Variants in MASP1 observed in about 807,000 individuals in gnomAD.
MASP1 encodes mannan-binding lectin serine protease 1.
Under a neutral mutation model 77.1 loss-of-function variants are expected in MASP1, and 59 were observed. The ratio of observed to expected loss-of-function variants is 0.77; its 90% CI spans 0.62 to 0.95. MASP1 has a LOEUF of 0.95. MASP1 is among the 40% of genes least tolerant of loss of function. The pLI, the probability that MASP1 is intolerant of heterozygous loss-of-function variation, is 0.00. For synonymous variants in MASP1, 362 were observed against 354.5 expected (o/e 1.02, Z -0.24); for missense variants, 885 against 912.9 (o/e 0.97, Z 0.39).
chr3:187,290,577 A>G (rs993385945), intron 1 of MASP1, among the ~76,000 whole-genome samples: 1 of 152,234 alleles, frequency 6.6e-6, no homozygotes, highest in Non-Finnish European at 1.5e-5. Flanking sequence ...CTTTTTAAGG[A>G]CCTGGTTATC....
intron 2 of MASP1, among the ~76,000 whole-genome samples, chr3:187,279,834 TC>T (rs1717267715): frequency 6.6e-6 from 1 of 152,242 alleles, no homozygotes; most frequent in South Asian, 2.1e-4. Context: ...AAATGACCAC[TC>T]CCAAACTTAT....
At chr3:187,241,354 A>G in intron 10 of MASP1, 127 bp downstream of exon 10, 1 of 772,936 alleles carries the variant, frequency 1.3e-6, no homozygotes, top group Non-Finnish European at 2.3e-6. Context: ...TTTTGAAGAC[A>G]TCTCTTAAAA....
intron 2 of MASP1, among the ~76,000 whole-genome samples, chr3:187,275,749 G>A (rs1007881220): frequency 1.3e-5 from 2 of 152,034 alleles, no homozygotes; most frequent in African/African-American, 2.4e-5. Context: ...CGAATGATAA[G>A]CCACTGCGCA....
chr3:187,222,116 C>T (rs1429363407), intron 14 of MASP1, among the ~76,000 whole-genome samples: 1 of 152,188 alleles, frequency 6.6e-6, no homozygotes, highest in Non-Finnish European at 1.5e-5. Context: ...GACAGATCCT[C>T]AGCAACTGCT....
chr3:187,290,700 AAC>A (rs1718241824), intron 1 of MASP1, among the ~76,000 whole-genome samples: 1 of 152,078 alleles, frequency 6.6e-6, no homozygotes, highest in South Asian at 2.1e-4. Context: ...AACAAATAAA[AAC>A]ACTTTCCCAA....
At chr3:187,270,282 T>G (rs1349185877) in intron 2 of MASP1, among the ~76,000 whole-genome samples, 1 of 152,218 alleles carries the variant, frequency 6.6e-6, no homozygotes, top group Non-Finnish European at 1.5e-5. Flanking sequence ...TGCACTTCCT[T>G]GTAAAACTCA....
intron 2 of MASP1, among the ~76,000 whole-genome samples, chr3:187,277,503 G>A (rs1717058479): frequency 1.3e-5 from 2 of 152,160 alleles, no homozygotes; most frequent in Non-Finnish European, 2.9e-5. Flanking sequence ...GGACCCTCAA[G>A]GACCTTCTGT....
intron 2 of MASP1, among the ~76,000 whole-genome samples, chr3:187,274,079 G>T (rs1021125375): frequency 1.3e-5 from 2 of 152,024 alleles, no homozygotes; most frequent in East Asian, 1.9e-4. Flanking sequence ...GTCCTGGCGG[G>T]CACCTGTAAT....
At chr3:187,262,843 A>G in intron 2 of MASP1, 123 bp from the exon 3 acceptor site, 1 of 789,720 alleles carries the variant, frequency 1.3e-6, no homozygotes, top group Non-Finnish European at 2.1e-6. Flanking sequence ...AGAAACCCAA[A>G]GAAAGGAGGT....
chr3:187,260,358 T>C (rs892634051), intron 4 of MASP1, among the ~76,000 whole-genome samples: 8 of 152,170 alleles, frequency 5.3e-5, no homozygotes, highest in African/African-American at 1.9e-4. Flanking sequence ...TTAGGGGCCA[T>C]GGAAAAGAAG....
At chr3:187,250,865 A>C (rs1359123196) in intron 7 of MASP1, among the ~76,000 whole-genome samples, 4 of 152,204 alleles carry the variant, frequency 2.6e-5, no homozygotes, top group African/African-American at 7.2e-5. Context: ...AACTGATCTC[A>C]AGTGAGAGCT....
intron 2 of MASP1, among the ~76,000 whole-genome samples, chr3:187,273,525 A>G (rs748594848): frequency 1.2e-4 from 19 of 152,190 alleles, no homozygotes; most frequent in Admixed American, 2.6e-4. Context: ...CCGTAGGCCA[A>G]TGATTCACCG....
At chr3:187,224,631 C>T (rs1390950981) in intron 13 of MASP1, among the ~76,000 whole-genome samples, 2 of 152,018 alleles carry the variant, frequency 1.3e-5, no homozygotes, top group African/African-American at 2.4e-5. Flanking sequence ...CAGGCGTGAG[C>T]CACCGCGCCC....
At chr3:187,286,107 C>T (rs1213627798) in intron 1 of MASP1, 51 bp from the exon 2 acceptor site, 1 of 1,394,468 alleles carries the variant, frequency 7.2e-7, no homozygotes, top group South Asian at 1.2e-5. Context: ...CAGGCCCCTG[C>T]CATTCATCTC....
exon 12 of MASP1, chr3:187,226,507 G>A (rs755157142): frequency 4.4e-6 from 7 of 1,609,060 alleles, no homozygotes; most frequent in African/African-American, 4.0e-5. Context: ...CGGCGGTCAC[G>A]ATCCAGCTGG....
At chr3:187,250,181 A>C in intron 8 of MASP1, 70 bp downstream of exon 8, 1 of 1,263,682 alleles carries the variant, frequency 7.9e-7, no homozygotes, top group Non-Finnish European at 1.2e-6. Context: ...TCACCCTTGC[A>C]TGCTCTGCTC....
exon 16 of MASP1, chr3:187,219,606 G>A (rs537815789): frequency 9.4e-5 from 21 of 224,506 alleles, no homozygotes; most frequent in Non-Finnish European, 1.7e-4. Context: ...ACTGATCAAT[G>A]CTAAGACCCA....
chr3:187,248,333 C>T (rs1026304280), intron 8 of MASP1, among the ~76,000 whole-genome samples: 10 of 152,010 alleles, frequency 6.6e-5, no homozygotes, highest in Non-Finnish European at 1.3e-4. Flanking sequence ...AGGAGGAGTC[C>T]GTTTATCTTT....
At chr3:187,230,149 A>C (rs978819922), downstream of MASP1, among the ~76,000 whole-genome samples, 1 of 152,230 alleles carries the variant, frequency 6.6e-6, no homozygotes, top group African/African-American at 2.4e-5. Flanking sequence ...GATCAAAGCC[A>C]TGCACTTTCT....
Sources: gnomAD v4.1 joint callset for allele counts (sites outside exome capture counted in the v4.1 genomes callset) on GRCh38, gnomAD v4.1.1 for gene constraint, MANE v1.5 for transcripts, NCBI Gene and HGNC (gene_info 2026-07-23, HGNC 2026-07-21) for gene names.